FAM13A: variants seen among roughly 807,000 people sequenced by gnomAD.
The protein encoded by FAM13A is protein FAM13A.
FAM13A carries 76 observed loss-of-function variants against 129.6 expected under a neutral mutation model. The observed-to-expected ratio is 0.59, with a 90% CI of 0.49 to 0.71. The LOEUF is 0.71. FAM13A is among the 30% of genes least tolerant of loss of function. The probability of loss-of-function intolerance (pLI) is 0.00; values close to 1 mark genes in which losing one functional copy is unlikely to be tolerated. For synonymous variants in FAM13A, 443 were observed against 449.9 expected (o/e 0.98, Z 0.20); for missense variants, 1,108 against 1,249.3 (o/e 0.89, Z 1.70).
intron 3 of FAM13A, among the ~76,000 whole-genome samples, chr4:88,997,885 AAT>A (rs1763770300): frequency 1.3e-4 from 20 of 152,266 alleles, no homozygotes; most frequent in Admixed American, 1.0e-3. Context: ...AACCTCACAA[AAT>A]GTTTTATGAA....
intron 3 of FAM13A, among the ~76,000 whole-genome samples, chr4:89,004,020 A>C (rs1764649298): frequency 6.6e-6 from 1 of 152,154 alleles, no homozygotes; most frequent in Non-Finnish European, 1.5e-5. Context: ...ACAGGGTCTC[A>C]CTATGTTGTT....
chr4:88,819,351 T>C (rs1329492749), intron 7 of FAM13A, among the ~76,000 whole-genome samples: 1 of 152,222 alleles, frequency 6.6e-6, no homozygotes, highest in Non-Finnish European at 1.5e-5. Flanking sequence ...GCCATCATTA[T>C]TCCTTGTGGA....
At chr4:88,843,798 T>C (rs1736215713) in intron 7 of FAM13A, among the ~76,000 whole-genome samples, 1 of 152,236 alleles carries the variant, frequency 6.6e-6, no homozygotes, top group Non-Finnish European at 1.5e-5. Context: ...GTTACGAGCC[T>C]TGTAAAACAA....
intron 6 of FAM13A, among the ~76,000 whole-genome samples, chr4:88,904,208 G>C (rs1747774747): frequency 6.6e-6 from 1 of 152,166 alleles, no homozygotes; most frequent in African/African-American, 2.4e-5. Flanking sequence ...AGAGAATATG[G>C]TGATTCTGCA....
At chr4:88,812,372 G>T (rs1364591778) in intron 7 of FAM13A, among the ~76,000 whole-genome samples, 1 of 152,044 alleles carries the variant, frequency 6.6e-6, no homozygotes, top group East Asian at 1.9e-4. Context: ...TTCCACACTA[G>T]TTCGTCCTTA....
In FAM13A at chr4:89,003,296, A is replaced by T. The variant is rs374100666; in HGVS notation, c.428-12146T>A. ...TGGAGCAATTTGGAAAAAAAAAAAA[A>T]CTGCATCAAGTTTATAGAAAATTAT... On this transcript the variant is annotated intron_variant, in intron 3 of 23. Transcript: ENST00000264344. Among the ~76,000 whole-genome samples, 4 of 144,168 alleles carry T rather than the reference A, an allele frequency of 2.8e-5. No individual in the cohort carries two copies. The Admixed American group carries it at 2.8e-4, about 10-fold the overall frequency. 94.6% of individuals were successfully genotyped at this position (144,168 alleles called of 152,430 possible).
At chr4:88,893,516 AGGAG>A (rs1745722696) in intron 6 of FAM13A, among the ~76,000 whole-genome samples, 1 of 149,210 alleles carries the variant, frequency 6.7e-6, no homozygotes, top group South Asian at 2.1e-4. Context: ...CCAGCTACTC[AGGAG>A]GTTGAGACAG....
At chr4:88,969,295 C>A (rs1437306241) in intron 4 of FAM13A, among the ~76,000 whole-genome samples, 1 of 152,088 alleles carries the variant, frequency 6.6e-6, no homozygotes, top group East Asian at 1.9e-4. Context: ...GTGACTTGTC[C>A]AGGCAGCACA....
intron 6 of FAM13A, among the ~76,000 whole-genome samples, chr4:88,856,537 C>A (rs760106343): frequency 1.8e-4 from 28 of 152,104 alleles, no homozygotes; most frequent in South Asian, 4.2e-4. Context: ...CCCAAAAAAA[C>A]CAAAAAACCC....
chr4:88,768,154 G>C (rs1245907749), intron 11 of FAM13A, 95 bp from the exon 12 acceptor site: 3 of 655,484 alleles, frequency 4.6e-6, no homozygotes, highest in Non-Finnish European at 5.4e-6. Flanking sequence ...CAAATAATAT[G>C]TATATATAAA....
chr4:88,727,312 TGAAGAGATG>T lies in FAM13A; in HGVS notation c.*1212_*1220del, dbSNP rs878972118. 3 of 152,788 alleles carry T rather than the reference TGAAGAGATG, an allele frequency of 2.0e-5. No individual in the cohort carries two copies. The South Asian group carries it at 6.2e-4, about 32-fold the overall frequency. 9.5% of individuals were successfully genotyped at this position (152,788 alleles called of 1,614,324 possible). ...AATCATGAGGTGACATCAGGCACAC[TGAAGAGATG>T]GAGGATTTGGTGTCTTACATTTCCT... On this transcript the variant is annotated 3_prime_UTR_variant, in exon 24 of 24. Coordinates refer to ENST00000264344, the MANE Select transcript of FAM13A (RefSeq NM_014883.4).
At chr4:88,801,042 A>T (rs1561028994) in intron 8 of FAM13A, among the ~76,000 whole-genome samples, 1 of 152,092 alleles carries the variant, frequency 6.6e-6, no homozygotes, top group Non-Finnish European at 1.5e-5. Context: ...AATGAAGCAT[A>T]ATACAAAAAA....
intron 6 of FAM13A, among the ~76,000 whole-genome samples, chr4:88,875,389 C>T (rs1742221954): frequency 1.3e-5 from 2 of 152,070 alleles, no homozygotes; most frequent in South Asian, 4.2e-4. Flanking sequence ...TGCAATCTAC[C>T]CATCTGACAA....
At position 89,006,025 on chromosome 4, in the gene FAM13A, G is replaced by GTTTTTATAGTTTTT. The variant is rs397770817; in HGVS notation, c.427+14434_427+14435insAAAAACTATAAAAA. 2.6e-5 allele frequency among the ~76,000 whole-genome samples: 4 copies of GTTTTTATAGTTTTT among 151,690 alleles called. No individual in the cohort carries two copies. The East Asian group carries it at 7.7e-4, about 29-fold the overall frequency. The stretch of plus-strand genomic sequence containing the variant: ...TGGTATTGCCTAGGTTGTCTTCCAG[G>GTTTTTATAGTTTTT]TTTTTATAGTTTTGGGTTTTACATT... On this transcript the variant is annotated intron_variant, in intron 3 of 23. Coordinates refer to ENST00000264344, the MANE Select transcript of FAM13A (RefSeq NM_014883.4).
chr4:89,024,635 T>G (rs546221996), intron 2 of FAM13A, among the ~76,000 whole-genome samples: 35 of 152,336 alleles, frequency 2.3e-4, no homozygotes, highest in African/African-American at 6.7e-4. Context: ...GTATCACAGG[T>G]GTACAGTAAA....
rs375561840 is a variant in FAM13A at position 88,850,225 on chromosome 4, G to A, written c.1007+795C>T. 1.2e-4 allele frequency among the ~76,000 whole-genome samples: 18 copies of A among 152,198 alleles called. No homozygotes were observed. The East Asian group carries it at 2.5e-3, about 21-fold the overall frequency. ...CTAGTAGTAAATAAAATTCAAGCTA[G>A]TAGTAAATAAAATTCAAGCCCAAAT... On this transcript the variant is annotated intron_variant, in intron 7 of 23. Transcript: ENST00000264344.
At chr4:88,835,523 T>G (rs572434275) in intron 7 of FAM13A, among the ~76,000 whole-genome samples, 99 of 152,264 alleles carry the variant, frequency 6.5e-4, no homozygotes, top group African/African-American at 2.3e-3. Flanking sequence ...TGCAGTTTAT[T>G]TCTATTATTA....
intron 3 of FAM13A, among the ~76,000 whole-genome samples, chr4:89,001,443 A>G (rs1764232175): frequency 1.3e-5 from 2 of 152,238 alleles, no homozygotes; most frequent in Non-Finnish European, 1.5e-5. Context: ...AGAAAACCCA[A>G]AAGATACACA....
intron 7 of FAM13A, among the ~76,000 whole-genome samples, chr4:88,847,369 C>T (rs1296843600): frequency 6.6e-6 from 1 of 151,922 alleles, no homozygotes; most frequent in Non-Finnish European, 1.5e-5. Context: ...CTAGCCTGGG[C>T]AATATAGTTA....
Sources: allele counts gnomAD v4.1 joint callset (sites outside exome capture counted in the v4.1 genomes callset), GRCh38; gene constraint gnomAD v4.1.1; transcripts MANE v1.5; gene names NCBI Gene and HGNC (gene_info 2026-07-23, HGNC 2026-07-21).